The following MS4A13 variants were observed in gnomAD, a reference collection of about 807,000 sequenced individuals.
The protein encoded by MS4A13 is membrane-spanning 4-domains subfamily A member 13.
In MS4A13, 21 loss-of-function variants were observed where a neutral mutation model predicts 18.4. The ratio of observed to expected loss-of-function variants is 1.14; its 90% CI spans 0.81 to 1.64. The LOEUF (loss-of-function observed/expected upper bound fraction) is 1.64, where lower values mean the gene tolerates loss of function less well. MS4A13 is among the 40% of genes most tolerant of loss of function. MS4A13 has a pLI of 0.00. For synonymous variants in MS4A13, 62 were observed against 57.2 expected (o/e 1.08, Z -0.38); for missense variants, 173 against 176.8 (o/e 0.98, Z 0.12).
chr11:60,518,210 T>A lies in MS4A13; in HGVS notation c.127T>A (p.Phe43Ile). The A allele has an allele frequency of 6.2e-7, 1 of 1,607,784 alleles. No individual in the cohort carries two copies. The highest frequency in any genetic ancestry group is 8.5e-7 in the Non-Finnish European group (1 of 1,176,550). Residue 43 changes from phenylalanine to isoleucine, a missense_variant and splice_region_variant, in exon 3 of 7, where the codon TTT becomes ATT. Coordinates refer to ENST00000378186, the MANE Select transcript of MS4A13 (RefSeq NM_001012417.3). ...YKTGCTLWGI[F>I]FIIAGVFLIR... ...AACAGGATGTACTTTATGGGGAATT[T>A]TTGTGAGTAGAATACATATATATTG...
At chr11:60,526,296 G>C (rs1033760414) in intron 5 of MS4A13, among the ~76,000 whole-genome samples, 5 of 152,194 alleles carry the variant, frequency 3.3e-5, no homozygotes, top group African/African-American at 1.2e-4. Context: ...CAGTTGCCCT[G>C]AACATTCAAT....
intron 6 of MS4A13, among the ~76,000 whole-genome samples, chr11:60,532,390 C>T (rs566854221): frequency 2.1e-4 from 32 of 152,264 alleles, no homozygotes; most frequent in Middle Eastern, 3.4e-3. Flanking sequence ...GTTCCCTTTC[C>T]GAGTCAAAGA....
chr11:60,531,533 C>T (rs2086766822), intron 6 of MS4A13, among the ~76,000 whole-genome samples: 1 of 152,224 alleles, frequency 6.6e-6, no homozygotes, highest in South Asian at 2.1e-4. Flanking sequence ...GCTCAAGCTA[C>T]ACTGATTCAT....
intron 6 of MS4A13, among the ~76,000 whole-genome samples, chr11:60,531,288 CA>C (rs35583704): frequency 6.6e-6 from 1 of 152,136 alleles, no homozygotes; most frequent in Non-Finnish European, 1.5e-5. Context: ...CTTGTTGGGG[CA>C]AAAAATTTAC....
chr11:60,532,411 G>A (rs534305483), intron 6 of MS4A13, among the ~76,000 whole-genome samples: 27 of 152,278 alleles, frequency 1.8e-4, no homozygotes, highest in Admixed American at 3.9e-4. Context: ...AAGGGGTGAC[G>A]GACGCACCTG....
chr11:60,529,267 T>TC, intron 5 of MS4A13, 98 bp from the exon 6 acceptor site: 1 of 317,008 alleles, frequency 3.2e-6, no homozygotes, highest in Non-Finnish European at 5.6e-6. Context: ...TTTTTTTTTT[T>TC]TTTTTTTTGA....
At chr11:60,529,548 A>T (rs2086748653) in intron 6 of MS4A13, 88 bp downstream of exon 6, 1 of 594,222 alleles carries the variant, frequency 1.7e-6, no homozygotes, top group African/African-American at 1.9e-5. Flanking sequence ...ACTGATACAA[A>T]ATATTTAGAA....
intron 3 of MS4A13, 73 bp downstream of exon 3, chr11:60,518,285 A>G (rs969599440): frequency 7.7e-7 from 1 of 1,290,652 alleles, no homozygotes; most frequent in Non-Finnish European, 1.1e-6. Context: ...AAGGTAGGGA[A>G]CGGTTTCTGA....
Position 60,519,347 on chromosome 11 carries a change from G to A in MS4A13, c.129+1135G>A, listed in dbSNP as rs115968330. 3.8e-3 allele frequency among the ~76,000 whole-genome samples: 570 copies of A among 151,880 alleles called. 8 individuals are homozygous for A. Among genetic ancestry groups the A allele is most frequent in the African/African-American group, 0.013 (532 of 41,470 alleles). Reference sequence around the variant, plus strand: ...TAAATGGTTTCAAAGTACAAAAACAGAAGGGAAAGGCAGAGAAAGGAGAGT... The same window carrying A: ...TAAATGGTTTCAAAGTACAAAAACAAAAGGGAAAGGCAGAGAAAGGAGAGT... On this transcript the variant is annotated intron_variant, in intron 3 of 6. Transcript: ENST00000378186.
At chr11:60,519,888 C>G (rs184151958) in intron 3 of MS4A13, among the ~76,000 whole-genome samples, 1 of 152,250 alleles carries the variant, frequency 6.6e-6, no homozygotes, top group East Asian at 1.9e-4. Context: ...AATTTTAATA[C>G]TAGAGGGCAT....
intron 3 of MS4A13, among the ~76,000 whole-genome samples, chr11:60,523,686 C>A (rs1281695693): frequency 6.6e-6 from 1 of 152,166 alleles, no homozygotes; most frequent in East Asian, 1.9e-4. Flanking sequence ...CCACTGTCCC[C>A]TATGTGTCTC....
At chr11:60,527,252 A>G (rs2086719451) in intron 5 of MS4A13, among the ~76,000 whole-genome samples, 1 of 152,098 alleles carries the variant, frequency 6.6e-6, no homozygotes, top group Admixed American at 6.6e-5. Flanking sequence ...GGTTTTAAGT[A>G]ATAGGAAATA....
intron 6 of MS4A13, among the ~76,000 whole-genome samples, chr11:60,530,891 T>C (rs1295298781): frequency 6.6e-6 from 1 of 150,706 alleles, no homozygotes; most frequent in Non-Finnish European, 1.5e-5. Flanking sequence ...CTCAGTCTTC[T>C]TTCTCCTGCT....
chr11:60,517,995 C>T (rs895553426), intron 2 of MS4A13, 77 bp from the exon 3 acceptor site: 105 of 1,149,484 alleles, frequency 9.1e-5, no homozygotes, highest in Non-Finnish European at 1.2e-4. Flanking sequence ...GTGTTAAATG[C>T]TTCTTATAGT....
At chr11:60,528,617 TAGAG>T (rs1333367127) in intron 5 of MS4A13, among the ~76,000 whole-genome samples, 3 of 152,180 alleles carry the variant, frequency 2.0e-5, no homozygotes, top group African/African-American at 7.2e-5. Context: ...GAGGAAGAGT[TAGAG>T]AAGGAATTGA....
intron 3 of MS4A13, among the ~76,000 whole-genome samples, chr11:60,520,472 T>A (rs1392697462): frequency 6.6e-6 from 1 of 152,136 alleles, no homozygotes; most frequent in Non-Finnish European, 1.5e-5. Flanking sequence ...CAGGCTTGAG[T>A]AAATACAGCT....
chr11:60,527,742 A>G (rs1174368449), intron 5 of MS4A13, among the ~76,000 whole-genome samples: 2 of 152,034 alleles, frequency 1.3e-5, no homozygotes, highest in African/African-American at 2.4e-5. Flanking sequence ...AGGCTAAGGC[A>G]CGAGAATCGC....
chr11:60,527,362 GTCTCTC>G (rs1313348420), intron 5 of MS4A13, among the ~76,000 whole-genome samples: 5 of 62,618 alleles, frequency 8.0e-5, no homozygotes, highest in African/African-American at 3.6e-4. Flanking sequence ...CATTCATTCC[GTCTCTC>G]TCTCTCTCTC....
In MS4A13 at chr11:60,518,163, C is replaced by T. The variant is rs184120879; in HGVS notation, c.80C>T (p.Thr27Met). The T allele has an allele frequency of 2.2e-4, 352 of 1,611,832 alleles. 2 individuals carry two copies. The East Asian group carries it at 5.9e-3, about 27-fold the overall frequency. ...YMGQIKGAFG[T>M]YEPVTYKTGC... ...GGACAAATTAAAGGAGCCTTTGGAACGTATGAACCTGTAACTTACAAAACA... is the reference window on the plus strand; with the variant it reads ...GGACAAATTAAAGGAGCCTTTGGAATGTATGAACCTGTAACTTACAAAACA... Residue 27 changes from threonine (T) to methionine (M), a missense_variant, in exon 3 of 7, where the codon ACG (threonine) becomes ATG (methionine). By Grantham distance (81) the Thr-to-Met change is moderately conservative (BLOSUM62 -1). Transcript: ENST00000378186.
Sources: allele counts gnomAD v4.1 joint callset (sites outside exome capture counted in the v4.1 genomes callset), GRCh38; gene constraint gnomAD v4.1.1; transcripts MANE v1.5; gene names NCBI Gene and HGNC (gene_info 2026-07-23, HGNC 2026-07-21).